ARID1B: variants seen among roughly 807,000 people sequenced by gnomAD.
ARID1B encodes the protein AT-rich interaction domain 1B.
A neutral mutation model predicts 212.3 loss-of-function variants in ARID1B; 30 were observed. That is an observed-to-expected ratio of 0.14 (90% confidence interval 0.11 to 0.19). The LOEUF (loss-of-function observed/expected upper bound fraction) is 0.19. ARID1B is among the 10% of genes least tolerant of loss of function. ARID1B has a pLI of 1.00. For missense variants in ARID1B, 2,891 were observed against 3,204.0 expected, an observed-to-expected ratio of 0.90 and a Z score of 2.36; for synonymous variants, 1,402 against 1,301.7, an observed-to-expected ratio of 1.08 and a Z score of -1.66.
chr6:156,855,542 CAG>C (rs1784857759), intron 2 of ARID1B, among the ~76,000 whole-genome samples: 1 of 152,132 alleles, frequency 6.6e-6, no homozygotes, highest in East Asian at 1.9e-4. Context: ...ATATTTCAGT[CAG>C]TGTTTCTGAT....
intron 1 of ARID1B, among the ~76,000 whole-genome samples, chr6:156,799,630 C>T (rs1780640194): frequency 6.6e-6 from 1 of 152,168 alleles, no homozygotes. Context: ...ATGTGCACCA[C>T]CATGCCTGGG....
intron 13 of ARID1B, among the ~76,000 whole-genome samples, chr6:157,188,491 C>G (rs1348929158): frequency 6.6e-6 from 1 of 152,200 alleles, no homozygotes; most frequent in Non-Finnish European, 1.5e-5. Context: ...TGTTTCACCT[C>G]CATTGCCACT....
At chr6:156,947,585 A>G (rs752478431) in intron 4 of ARID1B, among the ~76,000 whole-genome samples, 1 of 151,606 alleles carries the variant, frequency 6.6e-6, no homozygotes, top group Non-Finnish European at 1.5e-5. Flanking sequence ...GGATCCTAGC[A>G]GAGGAAATGG....
At chr6:157,012,472 G>A (rs1438010288) in intron 4 of ARID1B, among the ~76,000 whole-genome samples, 1 of 152,186 alleles carries the variant, frequency 6.6e-6, no homozygotes, top group Non-Finnish European at 1.5e-5. Context: ...ATGAGGATTA[G>A]GGCTACCTTT....
At position 157,203,821 on chromosome 6, in the gene ARID1B, C is replaced by T. The variant is rs751104257; in HGVS notation, c.5264-45C>T. 1.2e-6 allele frequency: 2 copies of T among 1,609,430 alleles called. No individual in the cohort carries two copies. Among genetic ancestry groups the T allele is most frequent in the Non-Finnish European group, 1.7e-6 (2 of 1,176,268 alleles). On this transcript the variant is annotated intron_variant, in intron 18 of 19. Coordinates refer to ENST00000636930, the MANE Select transcript of ARID1B (RefSeq NM_001374828.1). This position sits in a 1 kb window ranked among gnomAD's most constrained non-coding sequence, Gnocchi z 4.4. ...TTTCGTTAACTTTCGTTCTTTCATG[C>T]ATAGAGTCAACATTCATGATATCCT... is the stretch of plus-strand genomic sequence containing the variant.
chr6:157,072,517 T>A (rs1562594668), intron 4 of ARID1B: 1 of 152,240 alleles, frequency 6.6e-6, no homozygotes, highest in Non-Finnish European at 1.5e-5. Context: ...TTATTTTCTG[T>A]TGTTACTTGA....
chr6:157,166,075 G>A (rs1791303632), intron 8 of ARID1B: 1 of 152,110 alleles, frequency 6.6e-6, no homozygotes, highest in African/African-American at 2.4e-5. Context: ...TTAAAGGTAT[G>A]CTCTTTACGT....
In ARID1B at chr6:157,148,975, C is replaced by T. The variant is rs562463348; in HGVS notation, c.3089+24C>T. On this transcript the variant is annotated intron_variant, in intron 8 of 19. Transcript: ENST00000636930. This position sits in a 1 kb window ranked among gnomAD's most constrained non-coding sequence, Gnocchi z 5.6. ...AGGTACGCCACCCAGGAGCACGCCC[C>T]GGGCAGGTACGCTGTGTGTCTACCC... 3.1e-6 allele frequency: 5 copies of T among 1,592,460 alleles called. No homozygotes were observed. The highest frequency in any genetic ancestry group is 1.7e-5 in the Admixed American group (1 of 57,528).
intron 1 of ARID1B, among the ~76,000 whole-genome samples, chr6:156,820,169 CAG>C (rs1057174926): frequency 6.6e-6 from 1 of 151,970 alleles, no homozygotes; most frequent in Non-Finnish European, 1.5e-5. Flanking sequence ...ATTTGGGAGA[CAG>C]AAGCTTGGGG....
intron 4 of ARID1B, among the ~76,000 whole-genome samples, chr6:157,015,972 T>C (rs1779899231): frequency 6.6e-6 from 1 of 152,200 alleles, no homozygotes; most frequent in Non-Finnish European, 1.5e-5. Flanking sequence ...TGTAAGGAGA[T>C]ATCTTCTCAC....
At chr6:156,893,210 T>C (rs1469334152) in intron 2 of ARID1B, among the ~76,000 whole-genome samples, 8 of 152,212 alleles carry the variant, frequency 5.3e-5, no homozygotes, top group South Asian at 4.2e-4. Flanking sequence ...ATCTGGCTGA[T>C]TTTTGTATTT....
At position 157,206,701 on chromosome 6, in the gene ARID1B, G is replaced by A. The variant is rs2128393841; in HGVS notation, c.5929G>A (p.Gly1977Ser). ...RRPPPPLSSA[G>S]RKKEQEGKGD... ...CCCACCTCCCCCCTTAAGCTCCGCA[G>A]GTAGAAAGAAAGAGCAAGAAGGCAA... Residue 1977 changes from glycine to serine, a missense_variant, in exon 20 of 20, where the codon GGT (glycine) becomes AGT (serine). Gly to Ser is a moderately conservative substitution (Grantham distance 56). Around this residue, in one of 7 missense-constraint regions of ARID1B, gnomAD observed 332 missense variants for 369.2 expected, o/e 0.90. Transcript: ENST00000636930. The surrounding 1 kb of genome is among the most constrained non-coding windows in gnomAD (Gnocchi z 6.8). The A allele has an allele frequency of 3.1e-6, 5 of 1,612,788 alleles. No individual in the cohort carries two copies. The highest frequency in any genetic ancestry group is 3.3e-4 in the Middle Eastern group (2 of 6,062).
At chr6:157,025,803 T>C (rs1023520286) in intron 4 of ARID1B, among the ~76,000 whole-genome samples, 2 of 152,254 alleles carry the variant, frequency 1.3e-5, no homozygotes, top group East Asian at 3.8e-4. Context: ...TAATATATTT[T>C]CATTGCTCTT....
At chr6:156,871,699 A>G (rs1786148663) in intron 2 of ARID1B, 2 of 1,594,822 alleles carry the variant, frequency 1.3e-6, no homozygotes, top group Non-Finnish European at 8.6e-7. Flanking sequence ...TCTTTGGGAC[A>G]GCATATGACA....
chr6:156,954,963 C>T (rs1331156520), intron 4 of ARID1B, among the ~76,000 whole-genome samples: 2 of 152,260 alleles, frequency 1.3e-5, no homozygotes, highest in South Asian at 2.1e-4. Flanking sequence ...CCACCTGGCC[C>T]GCTTTGTGTT....
At chr6:156,926,976 G>A (rs923537040) in intron 3 of ARID1B, among the ~76,000 whole-genome samples, 1 of 152,080 alleles carries the variant, frequency 6.6e-6, no homozygotes, top group Non-Finnish European at 1.5e-5. Flanking sequence ...CATCATGCCT[G>A]GCCCAGATGT....
At chr6:156,894,015 T>C (rs1436263170) in intron 2 of ARID1B, among the ~76,000 whole-genome samples, 1 of 152,178 alleles carries the variant, frequency 6.6e-6, no homozygotes, top group Non-Finnish European at 1.5e-5. Flanking sequence ...TTTTTCACAA[T>C]ACTCAAAAGT....
intron 1 of ARID1B, among the ~76,000 whole-genome samples, chr6:156,783,542 A>G (rs547324378): frequency 6.6e-6 from 1 of 152,188 alleles, no homozygotes; most frequent in East Asian, 1.9e-4. Context: ...GGGTGTATCT[A>G]TCTAAAAAGA....
chr6:157,202,849 A>G (rs1371420036), intron 18 of ARID1B, among the ~76,000 whole-genome samples: 2 of 150,792 alleles, frequency 1.3e-5, no homozygotes, highest in African/African-American at 2.5e-5. Flanking sequence ...ACCATTTTAT[A>G]TATAGAAATA....
Sources: gnomAD v4.1 joint callset for allele counts (sites outside exome capture counted in the v4.1 genomes callset) on GRCh38, gnomAD v4.1.1 for gene constraint, gnomAD v4.1.1 regional missense constraint, Gnocchi (gnomAD v3.1) non-coding constraint, MANE v1.5 for transcripts, NCBI Gene and HGNC (gene_info 2026-07-23, HGNC 2026-07-21) for gene names.